The following FAM120C variants were observed in gnomAD, a reference collection of about 807,000 sequenced individuals.
The protein encoded by FAM120C is family with sequence similarity 120 member C, also known as constitutive coactivator of PPAR-gamma-like protein 2.
FAM120C carries 14 observed loss-of-function variants against 71.2 expected under a neutral mutation model. The ratio of observed to expected loss-of-function variants is 0.20; its 90% confidence interval spans 0.13 to 0.31. FAM120C has a LOEUF of 0.31. Among genes scored for constraint, FAM120C ranks in the 10% least tolerant of loss-of-function variants. FAM120C has a pLI of 1.00. For missense variants in FAM120C, 500 were observed against 879.0 expected, an observed-to-expected ratio of 0.57 and a Z score of 5.45; for synonymous variants, 354 against 353.2, an observed-to-expected ratio of 1.00 and a Z score of -0.03.
At chrX:54,175,667 C>G (rs1395355704) in intron 1 of FAM120C, among the ~76,000 whole-genome samples, 9 of 111,189 alleles carry the variant, frequency 8.1e-5, no homozygotes, top group African/African-American at 2.9e-4. Flanking sequence ...CACCACCATG[C>G]CCCGCTACAA....
intron 2 of FAM120C, 140 bp from the exon 3 acceptor site, chrX:54,157,911 G>C (rs2067217672): frequency 1.6e-5 from 7 of 440,889 alleles, no homozygotes; most frequent in Middle Eastern, 6.2e-4. Flanking sequence ...CAGTAGTTCT[G>C]TGTTGATCAC....
intron 4 of FAM120C, among the ~76,000 whole-genome samples, chrX:54,143,081 C>T (rs1557131895): frequency 9.0e-6 from 1 of 111,660 alleles, no homozygotes; most frequent in Non-Finnish European, 1.9e-5. Flanking sequence ...ACCAAAACCC[C>T]ATCTGTACAT....
chrX:54,145,805 G>T (rs1286154992), intron 4 of FAM120C, among the ~76,000 whole-genome samples: 1 of 111,775 alleles, frequency 8.9e-6, no homozygotes, highest in Non-Finnish European at 1.9e-5. Flanking sequence ...TCCCATTACT[G>T]GGTATATACC....
chrX:54,085,618 T>C (rs1232109869), intron 13 of FAM120C, 97 bp downstream of exon 13: 2 of 783,776 alleles, frequency 2.6e-6, no homozygotes, highest in Non-Finnish European at 3.7e-6. Context: ...AGATGAGATA[T>C]ATGTGAAACT....
rs781889957 is a variant in FAM120C at position 54,104,807 on chromosome X, C to CG, written c.2312+11737dup. ...TGGGCAACCGAGCGAGACTCTGTCTCGGGGGGGGAAAAAAAAGAAAAAGAA... is the reference window on the plus strand; with the variant it reads ...TGGGCAACCGAGCGAGACTCTGTCTCGGGGGGGGGAAAAAAAAGAAAAAGAA... On this transcript the variant is annotated intron_variant, in intron 10 of 15. Transcript: ENST00000375180. Among the ~76,000 whole-genome samples, 878 of 105,275 alleles carry CG rather than the reference C, an allele frequency of 8.3e-3. 3 individuals carry two copies. Among genetic ancestry groups the CG allele is most frequent in the African/African-American group, 0.025 (706 of 28,541 alleles). 91.4% of individuals were successfully genotyped at this position (105,275 alleles called of 115,157 possible).
intron 10 of FAM120C, among the ~76,000 whole-genome samples, chrX:54,115,129 T>G (rs1433514642): frequency 8.9e-6 from 1 of 111,817 alleles, no homozygotes; most frequent in Non-Finnish European, 1.9e-5. Flanking sequence ...ATATAAAGTT[T>G]AAACAAATTG....
At chrX:54,090,507 A>G (rs1398786899) in intron 11 of FAM120C, among the ~76,000 whole-genome samples, 1 of 110,058 alleles carries the variant, frequency 9.1e-6, no homozygotes, top group East Asian at 2.9e-4. Flanking sequence ...CTGGGATTAC[A>G]GCACTGCTGC....
chrX:54,180,589 G>A (rs1053195628), intron 1 of FAM120C, among the ~76,000 whole-genome samples: 1 of 111,823 alleles, frequency 8.9e-6, no homozygotes, highest in Non-Finnish European at 1.9e-5. Flanking sequence ...GCTGAGTGGG[G>A]AAATGATCTA....
intron 3 of FAM120C, among the ~76,000 whole-genome samples, chrX:54,155,397 GT>G (rs2067204603): frequency 8.9e-6 from 1 of 111,756 alleles, no homozygotes; most frequent in African/African-American, 3.3e-5. Context: ...TGAAAAAAGT[GT>G]TCTATGGAAG....
intron 9 of FAM120C, among the ~76,000 whole-genome samples, chrX:54,128,472 CCTA>C (rs1248742478): frequency 1.8e-5 from 2 of 109,753 alleles, no homozygotes; most frequent in South Asian, 3.8e-4. Flanking sequence ...TTGTCCTTTG[CCTA>C]CTTTTTTTTT....
At position 54,147,320 on chromosome X, in the gene FAM120C, T is replaced by C. The variant is rs1390824356; in HGVS notation, c.1158+3925A>G. ...TGACAGAGTGAGACCCCATCTCAAA[T>C]AAATAAATAAATAAATAAATAAGAA... On this transcript the variant is annotated intron_variant, in intron 4 of 15. Coordinates refer to ENST00000375180, the MANE Select transcript of FAM120C (RefSeq NM_017848.6). The C allele has an allele frequency of 8.2e-5, 9 of 109,405 alleles. No homozygotes were observed. In the Admixed American group the frequency reaches 8.9e-4, roughly 11 times the overall value. 9.0% of individuals were successfully genotyped at this position (109,405 alleles called of 1,213,427 possible).
At chrX:54,143,435 G>A (rs1164609795) in intron 4 of FAM120C, among the ~76,000 whole-genome samples, 36 of 111,251 alleles carry the variant, frequency 3.2e-4, no homozygotes, top group African/African-American at 1.2e-3. Context: ...TAATAAAGAA[G>A]AAAAGAGAGA....
rs782416205 is a variant in FAM120C, at chrX:54,090,184, C to T, written c.2427+1128G>A. On this transcript the variant is annotated intron_variant, in intron 11 of 15. Coordinates refer to ENST00000375180, the MANE Select transcript of FAM120C (RefSeq NM_017848.6). ...CCCTGTGGTAATGAGCGAGTTTTCA[C>T]TCTATTAGTTCATGCAAGAACTGAT... Among the ~76,000 whole-genome samples the T allele has an allele frequency of 3.7e-5, 4 of 108,900 alleles. No homozygotes were observed. The Admixed American group carries it at 4.0e-4, about 11-fold the overall frequency. The allele number at this position is 108,900 out of a possible 115,157, so 94.6% of individuals were successfully genotyped here.
chrX:54,133,972 G>C lies in FAM120C; in HGVS notation c.1691C>G (p.Pro564Arg). Residue 564 changes from proline to arginine, a missense_variant, in exon 8 of 16, where the codon CCT becomes CGT. Coordinates refer to ENST00000375180, the MANE Select transcript of FAM120C (RefSeq NM_017848.6). The stretch of plus-strand genomic sequence containing the variant: ...CGCTTCTGAAACTCCAGTATCAACA[G>C]GCTGTGCCCAGGACCCTCTGTCACG... ...PNRDRGSWAQ[P>R]VDTGVSEASL... The C allele has an allele frequency of 8.3e-7, 1 of 1,211,674 alleles. No homozygotes were observed. The highest frequency in any genetic ancestry group is 1.1e-6 in the Non-Finnish European group (1 of 895,388).
At chrX:54,166,276 C>G (rs1226780165) in intron 1 of FAM120C, among the ~76,000 whole-genome samples, 3 of 111,804 alleles carry the variant, frequency 2.7e-5, no homozygotes, top group African/African-American at 9.7e-5. Flanking sequence ...TGCAAACATT[C>G]CTGGTAGGGG....
rs1325925995 is a variant in FAM120C, at chrX:54,171,254, T to C, written c.699+11246A>G. Among the ~76,000 whole-genome samples the C allele has an allele frequency of 2.7e-5, 3 of 110,444 alleles. No individual in the cohort carries two copies. In the Admixed American group the frequency reaches 2.9e-4, roughly 11 times the overall value. On this transcript the variant is annotated intron_variant, in intron 1 of 15. Coordinates refer to ENST00000375180, the MANE Select transcript of FAM120C (RefSeq NM_017848.6). ...TAAAACAAACAAACAAAACAAAACC[T>C]TAAAAATTATCTGGGTGTGGGTGGC...
chrX:54,155,935 A>T (rs2067207256), intron 3 of FAM120C, among the ~76,000 whole-genome samples: 1 of 111,173 alleles, frequency 9.0e-6, no homozygotes, highest in Non-Finnish European at 1.9e-5. Flanking sequence ...TCTTAAAAAA[A>T]ATTTTTTTAA....
intron 4 of FAM120C, among the ~76,000 whole-genome samples, chrX:54,141,176 C>T (rs2067124425): frequency 9.0e-6 from 1 of 111,347 alleles, no homozygotes; most frequent in South Asian, 3.7e-4. Context: ...TTCATTAAGT[C>T]TGGCATTGCC....
chrX:54,111,616 CA>C (rs1557125753), intron 10 of FAM120C, among the ~76,000 whole-genome samples: 1 of 109,869 alleles, frequency 9.1e-6, no homozygotes, highest in African/African-American at 3.3e-5. Context: ...CTACAAAACA[CA>C]GATGAAAGAA....
Sources: allele counts gnomAD v4.1 joint callset (sites outside exome capture counted in the v4.1 genomes callset), GRCh38; gene constraint gnomAD v4.1.1; transcripts MANE v1.5; gene names NCBI Gene and HGNC (gene_info 2026-07-23, HGNC 2026-07-21).